The following RSPO2 variants were observed in gnomAD, a reference collection of about 807,000 sequenced individuals.
The protein encoded by RSPO2 is R-spondin-2.
In RSPO2, 14 loss-of-function variants were observed where a neutral mutation model predicts 30.9. That is an observed-to-expected ratio of 0.45 (90% CI 0.30 to 0.71). The LOEUF (loss-of-function observed/expected upper bound fraction) is 0.71. RSPO2 is among the 30% of genes least tolerant of loss of function. The pLI, the probability that RSPO2 is intolerant of heterozygous loss-of-function variation, is 0.08. For missense variants in RSPO2, 264 were observed against 301.9 expected, an observed-to-expected ratio of 0.87 and a Z score of 0.93; for synonymous variants, 107 against 96.4, an observed-to-expected ratio of 1.11 and a Z score of -0.64.
chr8:107,920,616 T>C (rs559842829), intron 5 of RSPO2, among the ~76,000 whole-genome samples: 1 of 152,310 alleles, frequency 6.6e-6, no homozygotes, highest in Admixed American at 6.5e-5. Flanking sequence ...ACAATTTGAG[T>C]ACATTGATTG....
At chr8:108,075,214 C>A (rs1231012961) in intron 2 of RSPO2, among the ~76,000 whole-genome samples, 1 of 152,176 alleles carries the variant, frequency 6.6e-6, no homozygotes, top group African/African-American at 2.4e-5. Flanking sequence ...GGCACGGTGG[C>A]TCACGCCTGT....
chr8:108,044,254 T>C (rs989266162), intron 2 of RSPO2, among the ~76,000 whole-genome samples: 9 of 152,096 alleles, frequency 5.9e-5, no homozygotes, highest in Admixed American at 1.3e-4. Flanking sequence ...GTAATTATTT[T>C]ATGTTCAGGG....
intron 1 of RSPO2, 129 bp from the exon 2 acceptor site, chr8:108,082,936 G>T: frequency 2.7e-6 from 1 of 369,462 alleles, no homozygotes; most frequent in Non-Finnish European, 4.8e-6. Context: ...CCTAGCACGA[G>T]CCGCGGAGCG....
Position 107,961,994 on chromosome 8 carries a change from C to T in RSPO2, c.284-1177G>A, listed in dbSNP as rs946611143. 1.3e-4 allele frequency among the ~76,000 whole-genome samples: 20 copies of T among 152,250 alleles called. No individual in the cohort carries two copies. In the East Asian group the frequency reaches 2.7e-3, roughly 21 times the overall value. ...TCAAGGAAAGTAAAGGAGAGAAGTT[C>T]GCAGGACCGGTAAATTCCAAGGTCA... On this transcript the variant is annotated intron_variant, in intron 3 of 5. Coordinates refer to ENST00000276659, the MANE Select transcript of RSPO2 (RefSeq NM_178565.5).
chr8:107,952,289 GCACACACACA>G (rs60942015), intron 5 of RSPO2, among the ~76,000 whole-genome samples: 26 of 148,880 alleles, frequency 1.7e-4, no homozygotes, highest in Middle Eastern at 6.8e-3. Flanking sequence ...ACACACACAT[GCACACACACA>G]CACACACACA....
At chr8:107,942,786 TA>T (rs924295395) in intron 5 of RSPO2, among the ~76,000 whole-genome samples, 10 of 151,896 alleles carry the variant, frequency 6.6e-5, no homozygotes, top group South Asian at 2.1e-4. Flanking sequence ...TGCTAAAACA[TA>T]AAAAAAAGGT....
Position 107,983,480 on chromosome 8 carries a change from C to T in RSPO2, c.283+5576G>A. On this transcript the variant is annotated intron_variant, in intron 3 of 5. Coordinates refer to ENST00000276659, the MANE Select transcript of RSPO2 (RefSeq NM_178565.5). ...CCCCTTTCTCAGAAGTACAGCCCTT[C>T]CACAGAGAAATGTCTGCCTGAGATT... 4 of 1,597,948 alleles carry T rather than the reference C, an allele frequency of 2.5e-6. No homozygotes were observed. The African/African-American group carries it at 5.4e-5, about 21-fold the overall frequency.
At chr8:108,022,707 C>T (rs929056106) in intron 2 of RSPO2, among the ~76,000 whole-genome samples, 2 of 152,022 alleles carry the variant, frequency 1.3e-5, no homozygotes, top group African/African-American at 4.8e-5. Flanking sequence ...GGGCGGATCA[C>T]CTGAGGTTGG....
chr8:107,914,487 A>T (rs1480250508), intron 5 of RSPO2, among the ~76,000 whole-genome samples: 11 of 152,102 alleles, frequency 7.2e-5, no homozygotes, highest in African/African-American at 2.7e-4. Flanking sequence ...ACCTTTTAAC[A>T]TTTCTATTAT....
chr8:108,056,872 A>G (rs1424051099), intron 2 of RSPO2, among the ~76,000 whole-genome samples: 2 of 150,854 alleles, frequency 1.3e-5, no homozygotes, highest in Non-Finnish European at 3.0e-5. Flanking sequence ...CCTGGCCAAC[A>G]TGGTGAAACC....
chr8:107,958,793 C>T (rs757339415), intron 4 of RSPO2, among the ~76,000 whole-genome samples: 3 of 152,092 alleles, frequency 2.0e-5, no homozygotes, highest in Non-Finnish European at 2.9e-5. Context: ...TGAGAACGTG[C>T]GGTGTTTGGC....
At chr8:108,003,297 ATATATATATATATATTTT>A (rs1815324727) in intron 2 of RSPO2, among the ~76,000 whole-genome samples, 1 of 23,326 alleles carries the variant, frequency 4.3e-5, no homozygotes, top group African/African-American at 2.0e-4. Flanking sequence ...ATATATATAT[ATATATATATATATATTTT>A]TTTTTTTTTT....
chr8:107,927,206 T>C (rs1228261414), intron 5 of RSPO2, among the ~76,000 whole-genome samples: 2 of 152,196 alleles, frequency 1.3e-5, no homozygotes, highest in Non-Finnish European at 2.9e-5. Flanking sequence ...TTGTCTGTTA[T>C]TGGTGTATAA....
intron 2 of RSPO2, among the ~76,000 whole-genome samples, chr8:108,007,698 C>T (rs534543319): frequency 4.6e-5 from 7 of 152,190 alleles, no homozygotes; most frequent in Admixed American, 2.6e-4. Flanking sequence ...ATAGTACCCC[C>T]AAGAACAATG....
chr8:107,925,667 T>G (rs1384739630), intron 5 of RSPO2, among the ~76,000 whole-genome samples: 3 of 152,042 alleles, frequency 2.0e-5, no homozygotes, highest in Non-Finnish European at 4.4e-5. Flanking sequence ...TGGTTTTTTG[T>G]CCTTGCAATA....
chr8:107,959,832 G>A (rs1813562702), intron 4 of RSPO2, among the ~76,000 whole-genome samples: 1 of 152,124 alleles, frequency 6.6e-6, no homozygotes. Context: ...TTCTTTGCAA[G>A]CTCTCAAATA....
chr8:107,921,091 T>C (rs192905537), intron 5 of RSPO2, among the ~76,000 whole-genome samples: 61 of 152,208 alleles, frequency 4.0e-4, no homozygotes, highest in African/African-American at 1.5e-3. Flanking sequence ...TAATTAGACA[T>C]GGACTCAACC....
chr8:108,079,684 G>A (rs770678234), intron 2 of RSPO2, among the ~76,000 whole-genome samples: 4 of 149,844 alleles, frequency 2.7e-5, no homozygotes, highest in Non-Finnish European at 5.9e-5. Context: ...TTGATTATTC[G>A]CAGATGGAAT....
chr8:107,951,059 G>T (rs59193702), intron 5 of RSPO2, among the ~76,000 whole-genome samples: 16,103 of 130,644 alleles, frequency 0.12, 1,330 homozygotes, highest in African/African-American at 0.21. Flanking sequence ...TTTTGTTGTT[G>T]TTGTTGTTGT....
Sources: allele counts gnomAD v4.1 joint callset (sites outside exome capture counted in the v4.1 genomes callset), GRCh38; gene constraint gnomAD v4.1.1; transcripts MANE v1.5; gene names NCBI Gene and HGNC (gene_info 2026-07-23, HGNC 2026-07-21).